Variants in CNTLN observed in about 807,000 individuals in gnomAD.
CNTLN encodes centlein.
Under a neutral mutation model 180.0 loss-of-function variants are expected in CNTLN, and 212 were observed. The ratio of observed to expected loss-of-function variants is 1.18; its 90% confidence interval spans 1.05 to 1.32. The LOEUF is 1.32. CNTLN is among the 40% of genes most tolerant of loss of function. The pLI is 0.00. For missense variants in CNTLN, 2,095 were observed against 1,610.9 expected (o/e 1.30, Z -5.14); for synonymous variants, 722 against 563.1 (o/e 1.28, Z -3.99).
chr9:17,470,277 G>A (rs1172403579), intron 23 of CNTLN, among the ~76,000 whole-genome samples: 1 of 151,868 alleles, frequency 6.6e-6, no homozygotes, highest in East Asian at 1.9e-4. Context: ...TGTGAACAGT[G>A]AGAACTATGT....
intron 18 of CNTLN, among the ~76,000 whole-genome samples, chr9:17,444,808 T>C (rs1471169995): frequency 6.6e-6 from 1 of 152,188 alleles, no homozygotes; most frequent in African/African-American, 2.4e-5. Flanking sequence ...AAAACAATTC[T>C]GAATAGAAAA....
intron 13 of CNTLN, among the ~76,000 whole-genome samples, chr9:17,377,915 A>G (rs1824911430): frequency 6.6e-6 from 1 of 152,188 alleles, no homozygotes; most frequent in African/African-American, 2.4e-5. Flanking sequence ...TTTGTTCTAG[A>G]TCACATATTC....
chr9:17,308,972 G>A (rs11506395), intron 7 of CNTLN, 86 bp from the exon 8 acceptor site: 6,050 of 38,270 alleles, frequency 0.16, 55 homozygotes, highest in Non-Finnish European at 0.22. Flanking sequence ...CAGTTCATAT[G>A]TATATATACA....
At position 17,235,762 on chromosome 9, in the gene CNTLN, G is replaced by C; in HGVS notation, c.639G>C (p.Lys213Asn). 6.2e-7 allele frequency: 1 copy of C among 1,602,814 alleles called. No individual in the cohort carries two copies. Among genetic ancestry groups the C allele is most frequent in the Non-Finnish European group, 8.5e-7 (1 of 1,176,348 alleles). ...GGAAAGAATTCAGTGACTTGGAGAA[G>C]AAATTTAAAGATAAAAGTCAAGAAA... Reference protein sequence around the residue: ...FLRKEFSDLEKKFKDKSQEIK... With the variant: ...FLRKEFSDLENKFKDKSQEIK... The change falls in exon 4 of 26, where the codon AAG becomes AAC. Residue 213 changes from lysine to asparagine, a missense_variant. Lys to Asn is a moderately conservative substitution (Grantham distance 94). Coordinates refer to ENST00000380647, the MANE Select transcript of CNTLN (RefSeq NM_017738.4).
intron 23 of CNTLN, among the ~76,000 whole-genome samples, chr9:17,469,123 A>C (rs1235192754): frequency 6.6e-6 from 1 of 151,752 alleles, no homozygotes; most frequent in Non-Finnish European, 1.5e-5. Flanking sequence ...CTATTGAATC[A>C]AAATCCTGTC....
intron 12 of CNTLN, among the ~76,000 whole-genome samples, chr9:17,361,222 C>T (rs745735510): frequency 6.6e-6 from 1 of 152,276 alleles, no homozygotes; most frequent in South Asian, 2.1e-4. Flanking sequence ...TCTCCCCACC[C>T]CACAACAGTC....
intron 9 of CNTLN, 59 bp from the exon 10 acceptor site, chr9:17,332,546 A>T: frequency 6.7e-6 from 10 of 1,494,964 alleles, no homozygotes; most frequent in Non-Finnish European, 8.9e-6. Context: ...TTAATTTTGC[A>T]TGTCTTTCAT....
intron 22 of CNTLN, 137 bp from the exon 23 acceptor site, chr9:17,466,569 A>C (rs1831762215): frequency 7.6e-6 from 5 of 657,960 alleles, no homozygotes; most frequent in Non-Finnish European, 1.2e-5. Context: ...AGTTAATGAA[A>C]ATAATCATTA....
Position 17,353,341 on chromosome 9 carries a change from A to G in CNTLN, c.1886+10897A>G, listed in dbSNP as rs140858048. 7.0e-3 allele frequency among the ~76,000 whole-genome samples: 893 copies of G among 127,066 alleles called. 7 individuals are homozygous for G. Among genetic ancestry groups the G allele is most frequent in the East Asian group, 0.016 (72 of 4,392 alleles). 83.4% of individuals were successfully genotyped at this position (127,066 alleles called of 152,430 possible). A position where few individuals can be genotyped will look rare whatever the true frequency, so the allele number is the denominator to read the frequency against. Reference sequence around the variant, plus strand: ...CACAATTTTATATTGTTTGCCGTCTATGAGGGTTCTAATTTCCCCACATCC... The same window carrying G: ...CACAATTTTATATTGTTTGCCGTCTGTGAGGGTTCTAATTTCCCCACATCC... On this transcript the variant is annotated intron_variant, in intron 12 of 25. Coordinates refer to ENST00000380647, the MANE Select transcript of CNTLN (RefSeq NM_017738.4).
chr9:17,510,129 A>T, the CNTLN span, among the ~76,000 whole-genome samples: 1 of 152,194 alleles, frequency 6.6e-6, no homozygotes, highest in Non-Finnish European at 1.5e-5. Flanking sequence ...CAATTCATTC[A>T]GGACTGCTAA....
downstream of CNTLN, among the ~76,000 whole-genome samples, chr9:17,506,154 C>CAAA (rs753212193): frequency 6.6e-6 from 1 of 151,622 alleles, no homozygotes; most frequent in Non-Finnish European, 1.5e-5. Context: ...AATGGGTCAA[C>CAAA]ATTTAAATGT....
chr9:17,515,444 C>T, the CNTLN span, among the ~76,000 whole-genome samples: 4 of 152,092 alleles, frequency 2.6e-5, no homozygotes, highest in Non-Finnish European at 5.9e-5. Flanking sequence ...TTTTCCAGCC[C>T]TGACATCTCC....
intron 6 of CNTLN, among the ~76,000 whole-genome samples, chr9:17,296,302 G>T (rs1817929233): frequency 6.6e-6 from 1 of 152,092 alleles, no homozygotes; most frequent in African/African-American, 2.4e-5. Flanking sequence ...ACAGGTGTGA[G>T]CCATCGCACC....
intron 1 of CNTLN, among the ~76,000 whole-genome samples, chr9:17,136,486 C>T (rs1453052817): frequency 2.6e-5 from 4 of 152,150 alleles, no homozygotes; most frequent in Non-Finnish European, 5.9e-5. Flanking sequence ...TCCGCCACCA[C>T]GCCTGGCTAA....
At position 17,389,537 on chromosome 9, in the gene CNTLN, A is replaced by G. The variant is rs1255406969; in HGVS notation, c.2079+1284A>G. On this transcript the variant is annotated intron_variant, in intron 14 of 25. Transcript: ENST00000380647. ...ATCCATTTTAAGACCTGAACAACCA[A>G]TATAAATTATTTTCATTGTACTGTA... 3.3e-5 allele frequency among the ~76,000 whole-genome samples: 5 copies of G among 151,838 alleles called. No homozygotes were observed. In the South Asian group the frequency reaches 8.3e-4, roughly 25 times the overall value.
chr9:17,190,391 A>G (rs929515393), intron 2 of CNTLN, among the ~76,000 whole-genome samples: 8 of 152,088 alleles, frequency 5.3e-5, no homozygotes, highest in Non-Finnish European at 1.5e-5. Flanking sequence ...TTTAATACAT[A>G]TATTGCATTG....
rs147929688 is a variant in CNTLN at position 17,269,244 on chromosome 9, T to A, written c.850-4489T>A. Reference sequence around the variant, plus strand: ...CTCTTATTTAAAATTTTTTTTCTATTGTTTTGTTATTTAATTAACCACTAC... The same window carrying A: ...CTCTTATTTAAAATTTTTTTTCTATAGTTTTGTTATTTAATTAACCACTAC... On this transcript the variant is annotated intron_variant, in intron 5 of 25. Coordinates refer to ENST00000380647, the MANE Select transcript of CNTLN (RefSeq NM_017738.4). 2.6e-3 allele frequency among the ~76,000 whole-genome samples: 390 copies of A among 152,286 alleles called. 2 individuals carry two copies. Among genetic ancestry groups the A allele is most frequent in the African/African-American group, 8.8e-3 (365 of 41,564 alleles).
At chr9:17,347,514 C>G (rs1025082347) in intron 12 of CNTLN, among the ~76,000 whole-genome samples, 1 of 151,808 alleles carries the variant, frequency 6.6e-6, no homozygotes, top group Non-Finnish European at 1.5e-5. Flanking sequence ...ACTAAAAATA[C>G]AAAGATTAGC....
chr9:17,283,234 T>C (rs1563954884), intron 6 of CNTLN, among the ~76,000 whole-genome samples: 1 of 152,210 alleles, frequency 6.6e-6, no homozygotes, highest in Non-Finnish European at 1.5e-5. Flanking sequence ...GGAATGTTTT[T>C]TCATTTGTTT....
Sources: gnomAD v4.1 joint callset for allele counts (sites outside exome capture counted in the v4.1 genomes callset) on GRCh38, gnomAD v4.1.1 for gene constraint, MANE v1.5 for transcripts, NCBI Gene and HGNC (gene_info 2026-07-23, HGNC 2026-07-21) for gene names.